SIMC1: variants seen among roughly 807,000 people sequenced by gnomAD.
The protein encoded by SIMC1 is SUMO interacting motifs containing 1, also known as SUMO-interacting motif-containing protein 1.
In SIMC1, 55 loss-of-function variants were observed where a neutral mutation model predicts 82.3. That is an observed-to-expected ratio of 0.67 (90% CI 0.54 to 0.84). The LOEUF is 0.84. Ranked by LOEUF, SIMC1 falls within the 40% of genes least tolerant of loss-of-function variation. The probability of loss-of-function intolerance (pLI) is 0.00; values close to 1 mark genes in which losing one functional copy is unlikely to be tolerated. For synonymous variants in SIMC1, 353 were observed against 426.3 expected (o/e 0.83, Z 2.12); for missense variants, 915 against 1,107.2 (o/e 0.83, Z 2.46).
chr5:176,294,002 G>A (rs375638610), intron 2 of SIMC1, among the ~76,000 whole-genome samples: 9 of 150,830 alleles, frequency 6.0e-5, no homozygotes, highest in Admixed American at 1.3e-4. Flanking sequence ...TTTACTGTTC[G>A]CACAAAAAAA....
chr5:176,284,959 A>G (rs1319708666), intron 1 of SIMC1, among the ~76,000 whole-genome samples: 1 of 152,228 alleles, frequency 6.6e-6, no homozygotes, highest in Non-Finnish European at 1.5e-5. Flanking sequence ...GCAATAATTA[A>G]TAGCCTACCA....
At position 176,290,257 on chromosome 5, in the gene SIMC1, C is replaced by T. The variant is rs773742374; in HGVS notation, c.733C>T (p.Arg245Ter). ...ACCACGAGCCTCCTCATGCCCACCA[C>T]GAGCCTTGTCATGCCCATCACAAAC... Reference protein sequence around the residue: ...CPPRASSCPPRALSCPSQTMQ... With the variant: ...CPPRASSCPP The change falls in exon 2 of 10, where the codon CGA becomes TGA. Residue 245 changes from arginine (R) to a stop codon, truncating the protein, a stop_gained. Coordinates refer to ENST00000429602, the MANE Select transcript of SIMC1 (RefSeq NM_001308195.2). LOFTEE classifies it high-confidence loss of function. 34 of 1,613,738 alleles carry T rather than the reference C, an allele frequency of 2.1e-5. No individual in the cohort carries two copies. Among genetic ancestry groups the T allele is most frequent in the Non-Finnish European group, 2.8e-5 (33 of 1,179,878 alleles).
chr5:176,291,724 C>T (rs888725345), intron 2 of SIMC1, among the ~76,000 whole-genome samples: 9 of 152,110 alleles, frequency 5.9e-5, no homozygotes, highest in African/African-American at 1.7e-4. Context: ...GTAATCCACC[C>T]GCCTCAGCCT....
At chr5:176,308,344 C>A in intron 4 of SIMC1, 2 of 1,520,742 alleles carry the variant, frequency 1.3e-6, no homozygotes, top group Non-Finnish European at 1.8e-6. Context: ...GAAATTTCAC[C>A]AGGGCAGCTG....
intron 7 of SIMC1, among the ~76,000 whole-genome samples, chr5:176,325,558 C>CG (rs1765358087): frequency 2.0e-5 from 3 of 151,216 alleles, no homozygotes; most frequent in African/African-American, 7.3e-5. Flanking sequence ...TGGTGGTAGG[C>CG]GCCTGTAGTC....
chr5:176,252,610 C>G (rs1045472057), intron 1 of SIMC1, among the ~76,000 whole-genome samples: 20 of 151,416 alleles, frequency 1.3e-4, no homozygotes, highest in African/African-American at 4.9e-4. Flanking sequence ...CTCCTCACTT[C>G]CTAGATGGGA....
chr5:176,341,564 A>G (rs1766146538), intron 9 of SIMC1, among the ~76,000 whole-genome samples: 3 of 152,220 alleles, frequency 2.0e-5, no homozygotes, highest in Admixed American at 2.0e-4. Context: ...GGGTGTGGCA[A>G]GGACAGAAGG....
At chr5:176,252,544 C>T (rs1291174291) in intron 1 of SIMC1, among the ~76,000 whole-genome samples, 3 of 146,858 alleles carry the variant, frequency 2.0e-5, no homozygotes, top group East Asian at 2.1e-4. Context: ...AGACGATGGG[C>T]GGCCGGGCAG....
intron 1 of SIMC1, among the ~76,000 whole-genome samples, chr5:176,249,843 C>CAAAAAAA (rs66752759): frequency 4.9e-5 from 4 of 81,790 alleles, no homozygotes; most frequent in South Asian, 5.5e-4. Flanking sequence ...GATTCCGTCT[C>CAAAAAAA]AAAAAAAAAA....
chr5:176,258,530 G>A (rs533269773), intron 1 of SIMC1, among the ~76,000 whole-genome samples: 2 of 150,428 alleles, frequency 1.3e-5, no homozygotes, highest in East Asian at 1.9e-4. Flanking sequence ...TTTTTTAAAC[G>A]GATGGTTTTG....
intron 1 of SIMC1, among the ~76,000 whole-genome samples, chr5:176,281,804 A>C (rs1190770258): frequency 6.6e-6 from 1 of 152,114 alleles, no homozygotes; most frequent in Non-Finnish European, 1.5e-5. Context: ...GTCTCAGAGG[A>C]GTACCCGGCC....
chr5:176,257,686 G>A (rs1404388505), intron 1 of SIMC1, among the ~76,000 whole-genome samples: 3 of 152,132 alleles, frequency 2.0e-5, no homozygotes, highest in Non-Finnish European at 2.9e-5. Flanking sequence ...ACATATGTAC[G>A]TATGTGTCTC....
chr5:176,272,304 C>G (rs1053811001), intron 1 of SIMC1, among the ~76,000 whole-genome samples: 1 of 148,824 alleles, frequency 6.7e-6, no homozygotes, highest in African/African-American at 2.5e-5. Context: ...GACCCCATCT[C>G]AAAAAACAAA....
chr5:176,328,545 GT>G (rs1447727412), intron 7 of SIMC1, among the ~76,000 whole-genome samples: 1 of 152,002 alleles, frequency 6.6e-6, no homozygotes, highest in African/African-American at 2.4e-5. Flanking sequence ...CATTTTTTGT[GT>G]GAAAAATCAG....
At position 176,313,736 on chromosome 5, in the gene SIMC1, C is replaced by G. The variant is rs148729256; in HGVS notation, c.1780C>G (p.Gln594Glu). The G allele has an allele frequency of 3.2e-5, 51 of 1,613,836 alleles. No individual in the cohort carries two copies. Among genetic ancestry groups the G allele is most frequent in the Admixed American group, 3.3e-5 (2 of 59,994 alleles). ...GRVLFLRYVV[Q>E]TLEDDFQQTL... ...AGTCCTTTTCCTGCGTTATGTCGTT[C>G]AGACCCTAGAAGATGACTTTCAGCA... is the stretch of plus-strand genomic sequence containing the variant. The change falls in exon 5 of 10, where the codon CAG becomes GAG. Residue 594 changes from glutamine to glutamate, a missense_variant. By Grantham distance (29) the Gln-to-Glu change is conservative. Transcript: ENST00000429602.
At chr5:176,265,569 C>T (rs1762174431) in intron 1 of SIMC1, among the ~76,000 whole-genome samples, 1 of 152,096 alleles carries the variant, frequency 6.6e-6, no homozygotes, top group African/African-American at 2.4e-5. Context: ...GAATAACATT[C>T]ACCTCACAAT....
intron 1 of SIMC1, among the ~76,000 whole-genome samples, chr5:176,261,722 TG>T (rs1308022380): frequency 1.3e-5 from 2 of 150,956 alleles, no homozygotes; most frequent in African/African-American, 2.5e-5. Flanking sequence ...CACTCCAGGC[TG>T]GGTGACAGAG....
chr5:176,274,887 G>A (rs1333986425), intron 1 of SIMC1, among the ~76,000 whole-genome samples: 3 of 151,844 alleles, frequency 2.0e-5, no homozygotes, highest in Non-Finnish European at 4.4e-5. Context: ...TAGCCTTGTA[G>A]TATAGTTTGA....
chr5:176,272,344 A>G (rs1762479610), intron 1 of SIMC1, among the ~76,000 whole-genome samples: 1 of 151,316 alleles, frequency 6.6e-6, no homozygotes, highest in African/African-American at 2.4e-5. Flanking sequence ...TGGCACTTCT[A>G]TTCAGAATTA....
Sources: allele counts gnomAD v4.1 joint callset (sites outside exome capture counted in the v4.1 genomes callset), GRCh38; gene constraint gnomAD v4.1.1; transcripts MANE v1.5; gene names NCBI Gene and HGNC (gene_info 2026-07-23, HGNC 2026-07-21).